Variants in MRPL14 observed in about 807,000 individuals in gnomAD.
MRPL14 encodes mitochondrial ribosomal protein L14.
MRPL14 carries 8 observed loss-of-function variants against 10.9 expected under a neutral mutation model. The ratio of observed to expected loss-of-function variants is 0.74; its 90% CI spans 0.43 to 1.33. The LOEUF is 1.33. Among genes scored for constraint, MRPL14 ranks in the 40% most tolerant of loss-of-function variants. The probability of loss-of-function intolerance (pLI) is 0.01; values close to 1 mark genes in which losing one functional copy is unlikely to be tolerated. For synonymous variants in MRPL14, 82 were observed against 74.1 expected, an observed-to-expected ratio of 1.11 and a Z score of -0.54; for missense variants, 179 against 194.5, an observed-to-expected ratio of 0.92 and a Z score of 0.47.
intron 1 of MRPL14, among the ~76,000 whole-genome samples, chr6:44,125,188 C>T: frequency 6.6e-6 from 1 of 152,166 alleles, no homozygotes; most frequent in East Asian, 1.9e-4. Flanking sequence ...CCACAAGGCA[C>T]TTAATTCTCA....
At chr6:44,115,353 A>T (rs554381567) in intron 2 of MRPL14, among the ~76,000 whole-genome samples, 4 of 152,164 alleles carry the variant, frequency 2.6e-5, no homozygotes, top group African/African-American at 9.6e-5. Flanking sequence ...GTAGGTCCCA[A>T]ACTCATCTCA....
intron 1 of MRPL14, among the ~76,000 whole-genome samples, chr6:44,117,128 G>A (rs1775927078): frequency 6.6e-6 from 1 of 152,154 alleles, no homozygotes; most frequent in Non-Finnish European, 1.5e-5. Flanking sequence ...CAAATGTAAA[G>A]GCCAGAACAC....
At chr6:44,119,385 G>C (rs895326186) in intron 1 of MRPL14, among the ~76,000 whole-genome samples, 1 of 151,858 alleles carries the variant, frequency 6.6e-6, no homozygotes, top group African/African-American at 2.4e-5. Context: ...AAAATAAGCC[G>C]GGCATGGTGG....
chr6:44,117,789 C>G (rs912807818), intron 1 of MRPL14, among the ~76,000 whole-genome samples: 4 of 151,440 alleles, frequency 2.6e-5, no homozygotes, highest in Non-Finnish European at 4.4e-5. Flanking sequence ...CTCAGCCTCC[C>G]AAGTAGTCAG....
intron 1 of MRPL14, chr6:44,126,989 C>T (rs560922893): frequency 1.3e-5 from 2 of 152,426 alleles, no homozygotes; most frequent in South Asian, 4.1e-4. Flanking sequence ...AGCGGAGAAG[C>T]CGGAGGAGAC....
chr6:44,122,006 T>C (rs1776479176), intron 1 of MRPL14, among the ~76,000 whole-genome samples: 1 of 150,832 alleles, frequency 6.6e-6, no homozygotes, highest in Admixed American at 6.6e-5. Context: ...TTCAGAGGGG[T>C]TGGTGGTTTT....
At chr6:44,125,654 CAAAAAAAAA>C (rs56951374) in intron 1 of MRPL14, among the ~76,000 whole-genome samples, 3 of 64,590 alleles carry the variant, frequency 4.6e-5, no homozygotes, top group Admixed American at 1.7e-4. Flanking sequence ...GAGACTGTCT[CAAAAAAAAA>C]AAAAAAAAAA....
At position 44,113,804 on chromosome 6, in the gene MRPL14, T is replaced by C; in HGVS notation, c.*39A>G. ...GCAAAAGGGTGGTTCTCAGAACTGC[T>C]CCATTCACGAGTCCTGCAACCAGAG... On this transcript the variant is annotated 3_prime_UTR_variant, in exon 3 of 3. Coordinates refer to ENST00000372014, the MANE Select transcript of MRPL14 (RefSeq NM_032111.4). 1 of 1,523,382 alleles carries C rather than the reference T, an allele frequency of 6.6e-7. No homozygotes were observed. The highest frequency in any genetic ancestry group is 8.8e-7 in the Non-Finnish European group (1 of 1,134,674). The allele number at this position is 1,523,382 out of a possible 1,614,324, so 94.4% of individuals were successfully genotyped here. A position where few individuals can be genotyped will look rare whatever the true frequency, so the allele number is the denominator to read the frequency against.
intron 2 of MRPL14, 33 bp downstream of exon 2, chr6:44,116,508 A>C: frequency 1.2e-6 from 2 of 1,604,990 alleles, no homozygotes; most frequent in Admixed American, 1.7e-5. Context: ...TTACACAAAG[A>C]CACAGTTTTA....
intron 1 of MRPL14, among the ~76,000 whole-genome samples, chr6:44,126,461 T>C (rs1347297291): frequency 6.6e-6 from 1 of 152,170 alleles, no homozygotes; most frequent in Non-Finnish European, 1.5e-5. Flanking sequence ...AACTACAAGA[T>C]CCAAACCCCC....
At chr6:44,120,480 A>T (rs1202031912) in intron 1 of MRPL14, among the ~76,000 whole-genome samples, 1 of 152,226 alleles carries the variant, frequency 6.6e-6, no homozygotes, top group Non-Finnish European at 1.5e-5. Flanking sequence ...TCATGTCTCT[A>T]GGAAGCACTT....
Position 44,121,544 on chromosome 6 carries a change from T to C in MRPL14, c.-18-4915A>G, listed in dbSNP as rs189696566. Among the ~76,000 whole-genome samples, 67 of 152,354 alleles carry C rather than the reference T, an allele frequency of 4.4e-4. 1 individual carries two copies. The East Asian group carries it at 0.013, about 29-fold the overall frequency. On this transcript the variant is annotated intron_variant, in intron 1 of 2. Coordinates refer to ENST00000372014, the MANE Select transcript of MRPL14 (RefSeq NM_032111.4). ...AGATCCCATTGGAATGTATGCTCTG[T>C]GAGAGCAGGGACCAGCCCTTGCTCT...
At chr6:44,115,903 T>TC (rs1250379743) in intron 2 of MRPL14, among the ~76,000 whole-genome samples, 2 of 152,246 alleles carry the variant, frequency 1.3e-5, no homozygotes, top group Non-Finnish European at 2.9e-5. Flanking sequence ...CACTGTACAA[T>TC]CCTCTATTAT....
intron 2 of MRPL14, 33 bp from the exon 3 acceptor site, chr6:44,114,242 G>GT: frequency 6.3e-7 from 1 of 1,587,370 alleles, no homozygotes; most frequent in Non-Finnish European, 8.6e-7. Flanking sequence ...TCTGCAGTCT[G>GT]TATCTCTTAT....
intron 1 of MRPL14, 176 bp downstream of exon 1, chr6:44,127,168 A>ACGCCCCTCCCCGTCGGGACC (rs1777208187): frequency 8.8e-5 from 7 of 79,416 alleles, no homozygotes; most frequent in Non-Finnish European, 2.1e-4. Flanking sequence ...CCCCGTCGGG[A>ACGCCCCTCCCCGTCGGGACC]CCCCCCTCCC....
rs1775590828 is a variant in MRPL14 at position 44,114,015 on chromosome 6, T to C, written c.266A>G (p.His89Arg). Reference sequence around the variant, plus strand: ...GGTCATTCGGGGGCCAGGCATGCAGTGCCCCACAATGAGCGCCTTTTTCTT... The same window carrying C: ...GGTCATTCGGGGGCCAGGCATGCAGCGCCCCACAATGAGCGCCTTTTTCTT... ...GQKKKALIVG[H>R]CMPGPRMTPR... The change falls in exon 3 of 3, where the codon CAC becomes CGC. Residue 89 changes from histidine to arginine, a missense_variant. By Grantham distance (29) the His-to-Arg change is conservative. Transcript: ENST00000372014. The C allele has an allele frequency of 1.9e-6, 3 of 1,614,086 alleles. No individual in the cohort carries two copies. Among genetic ancestry groups the C allele is most frequent in the African/African-American group, 2.7e-5 (2 of 74,936 alleles).
At chr6:44,118,754 C>T (rs1283380369) in intron 1 of MRPL14, among the ~76,000 whole-genome samples, 4 of 152,094 alleles carry the variant, frequency 2.6e-5, no homozygotes, top group Non-Finnish European at 4.4e-5. Flanking sequence ...CACCTGAGGT[C>T]GGGAGTTTGA....
intron 1 of MRPL14, among the ~76,000 whole-genome samples, chr6:44,126,390 T>C (rs1414542286): frequency 1.3e-5 from 2 of 152,184 alleles, no homozygotes; most frequent in African/African-American, 4.8e-5. Context: ...AACCTTACAG[T>C]TGCATTCCAC....
At position 44,122,707 on chromosome 6, in the gene MRPL14, C is replaced by T. The variant is rs532020298; in HGVS notation, c.-19+4637G>A. On this transcript the variant is annotated intron_variant, in intron 1 of 2. Transcript: ENST00000372014. Reference sequence around the variant, plus strand: ...TAAAGGAGGTTCTGCTAGTATGTAACGGACGGGAAAAGAGACTGAGAAATC... The same window carrying T: ...TAAAGGAGGTTCTGCTAGTATGTAATGGACGGGAAAAGAGACTGAGAAATC... Among the ~76,000 whole-genome samples, 36 of 102,154 alleles carry T rather than the reference C, an allele frequency of 3.5e-4. 1 individual carries two copies. In the South Asian group the frequency reaches 8.1e-3, roughly 23 times the overall value. 67.0% of individuals were successfully genotyped at this position (102,154 alleles called of 152,430 possible).
Sources: allele counts gnomAD v4.1 joint callset (sites outside exome capture counted in the v4.1 genomes callset), GRCh38; gene constraint gnomAD v4.1.1; transcripts MANE v1.5; gene names NCBI Gene and HGNC (gene_info 2026-07-23, HGNC 2026-07-21).